PEX14: variants seen among roughly 807,000 people sequenced by gnomAD.
PEX14 encodes the protein peroxisomal biogenesis factor 14.
PEX14 carries 15 observed loss-of-function variants against 49.5 expected under a neutral mutation model. That is an observed-to-expected ratio of 0.30 (90% CI 0.20 to 0.47). The LOEUF (loss-of-function observed/expected upper bound fraction) is 0.47, where lower values mean the gene tolerates loss of function less well. PEX14 is among the 20% of genes least tolerant of loss of function. The pLI is 1.00. For missense variants in PEX14, 398 were observed against 494.8 expected, an observed-to-expected ratio of 0.80 and a Z score of 1.86; for synonymous variants, 210 against 212.7, an observed-to-expected ratio of 0.99 and a Z score of 0.11.
rs1170483330 is a variant in PEX14 at position 10,613,231 on chromosome 1, G to A, written c.299-5101G>A. On this transcript the variant is annotated intron_variant, in intron 4 of 8. Transcript: ENST00000356607. This position sits in a 1 kb window ranked among gnomAD's most constrained non-coding sequence, Gnocchi z 5.0. ...GATGATGTTTGTTCTCACCTGTTAG[G>A]TGAGAATTTGGTTGGTGGAGGTATA... Among the ~76,000 whole-genome samples the A allele has an allele frequency of 1.3e-5, 2 of 152,310 alleles. No individual in the cohort carries two copies.
intron 3 of PEX14, among the ~76,000 whole-genome samples, chr1:10,557,305 G>T (rs149467806): frequency 6.6e-6 from 1 of 152,192 alleles, no homozygotes; most frequent in Admixed American, 6.5e-5. Context: ...TCAGAGTTAG[G>T]CTGGGTGCAA....
chr1:10,536,082 T>C lies in PEX14; in HGVS notation c.85-131T>C, dbSNP rs879091362. ...TTAGGTAGATTTTAAGTTTAAGAAA[T>C]AACTGGTTATAAATTTGACCACAAT... is the stretch of plus-strand genomic sequence containing the variant. On this transcript the variant is annotated intron_variant, in intron 2 of 8. Coordinates refer to ENST00000356607, the MANE Select transcript of PEX14 (RefSeq NM_004565.3). 27 of 716,432 alleles carry C rather than the reference T, an allele frequency of 3.8e-5. 1 individual carries two copies. Among genetic ancestry groups the C allele is most frequent in the South Asian group, 3.4e-4 (23 of 66,770 alleles). The allele number at this position is 716,432 out of a possible 1,614,324, so 44.4% of individuals were successfully genotyped here. A position where few individuals can be genotyped will look rare whatever the true frequency, so the allele number is the denominator to read the frequency against.
chr1:10,592,646 T>C (rs1238619244), intron 3 of PEX14, among the ~76,000 whole-genome samples: 1 of 152,206 alleles, frequency 6.6e-6, no homozygotes, highest in Non-Finnish European at 1.5e-5. Flanking sequence ...GTGTCTGATA[T>C]AATTTAGGGC....
intron 3 of PEX14, among the ~76,000 whole-genome samples, chr1:10,544,982 C>G (rs772164558): frequency 6.6e-6 from 1 of 152,116 alleles, no homozygotes; most frequent in African/African-American, 2.4e-5. Context: ...AGGCTGGTCT[C>G]GATCTCCTGG....
At chr1:10,509,474 T>C (rs1641846943) in intron 2 of PEX14, among the ~76,000 whole-genome samples, 1 of 152,236 alleles carries the variant, frequency 6.6e-6, no homozygotes, top group Non-Finnish European at 1.5e-5. Context: ...AGGCATTTTA[T>C]TTCTTTATAA....
Position 10,495,403 on chromosome 1 carries a change from T to A in PEX14, c.84+82T>A. On this transcript the variant is annotated intron_variant, in intron 2 of 8. Coordinates refer to ENST00000356607, the MANE Select transcript of PEX14 (RefSeq NM_004565.3). The surrounding 1 kb of genome is among the most constrained non-coding windows in gnomAD (Gnocchi z 4.2). ...AAAAGAAACCTTCTGTTCCTATGGT[T>A]CTGCGTCAGTAGTGTCCCTTTAAAA... 1 of 1,126,636 alleles carries A rather than the reference T, an allele frequency of 8.9e-7. No individual in the cohort carries two copies. Among genetic ancestry groups the A allele is most frequent in the Non-Finnish European group, 1.3e-6 (1 of 753,576 alleles). The allele number at this position is 1,126,636 out of a possible 1,614,324, so 69.8% of individuals were successfully genotyped here.
rs139018869 is a variant in PEX14, at chr1:10,546,133, A to G, written c.169+9836A>G. Among the ~76,000 whole-genome samples the G allele has an allele frequency of 4.9e-3, 742 of 152,308 alleles. 8 individuals are homozygous for G. Among genetic ancestry groups the G allele is most frequent in the African/African-American group, 0.017 (706 of 41,560 alleles). On this transcript the variant is annotated intron_variant, in intron 3 of 8. Transcript: ENST00000356607. ...TGTCTGGCACCAAAATAAGGGCTTA[A>G]TTGATGACAACAATCATCAATAGTA...
At chr1:10,607,544 A>G (rs1641161337) in intron 4 of PEX14, among the ~76,000 whole-genome samples, 1 of 152,174 alleles carries the variant, frequency 6.6e-6, no homozygotes, top group East Asian at 1.9e-4. Context: ...TATCCCCAAC[A>G]GTTGGTCTTC....
At chr1:10,505,997 T>C (rs545842874) in intron 2 of PEX14, among the ~76,000 whole-genome samples, 17 of 152,220 alleles carry the variant, frequency 1.1e-4, no homozygotes, top group African/African-American at 3.9e-4. Flanking sequence ...GAGTCTTTTG[T>C]GAAATGAAGC....
chr1:10,492,325 G>T (rs936829993), intron 1 of PEX14, among the ~76,000 whole-genome samples: 1 of 152,178 alleles, frequency 6.6e-6, no homozygotes, highest in African/African-American at 2.4e-5. Flanking sequence ...TCAGAATGGG[G>T]CTTCCTAAAT....
chr1:10,564,632 C>T (rs1639750276), intron 3 of PEX14, among the ~76,000 whole-genome samples: 1 of 142,512 alleles, frequency 7.0e-6, no homozygotes, highest in African/African-American at 2.6e-5. Context: ...AGGGCCTTGC[C>T]ATGTTGCCAA....
At chr1:10,575,084 A>AT (rs1179289805) in intron 3 of PEX14, among the ~76,000 whole-genome samples, 1 of 152,046 alleles carries the variant, frequency 6.6e-6, no homozygotes, top group Non-Finnish European at 1.5e-5. Context: ...TAAAAAAAAA[A>AT]AAGGAAGAAA....
intron 3 of PEX14, among the ~76,000 whole-genome samples, chr1:10,585,000 TTGGGGGAA>T (rs1640437979): frequency 6.6e-6 from 1 of 151,996 alleles, no homozygotes; most frequent in Non-Finnish European, 1.5e-5. Context: ...GCGAGGATCT[TTGGGGGAA>T]CAGTAAAATT....
At position 10,507,455 on chromosome 1, in the gene PEX14, C is replaced by T. The variant is rs550344135; in HGVS notation, c.84+12134C>T. 2.6e-5 allele frequency among the ~76,000 whole-genome samples: 4 copies of T among 152,350 alleles called. No homozygotes were observed. The East Asian group carries it at 5.8e-4, about 22-fold the overall frequency. ...GTGTGCATCTTAGCTGTTGAAAAGGCGCCTATTAATTTATCACAGGTGATG... is the reference window on the plus strand; with the variant it reads ...GTGTGCATCTTAGCTGTTGAAAAGGTGCCTATTAATTTATCACAGGTGATG... On this transcript the variant is annotated intron_variant, in intron 2 of 8. Transcript: ENST00000356607.
intron 2 of PEX14, among the ~76,000 whole-genome samples, chr1:10,510,971 T>TC: frequency 6.6e-6 from 1 of 152,330 alleles, no homozygotes; most frequent in East Asian, 1.9e-4. Flanking sequence ...TTGACAGTCT[T>TC]TATTTGCAAT....
intron 4 of PEX14, among the ~76,000 whole-genome samples, chr1:10,603,455 TAGG>T (rs1226999415): frequency 1.3e-5 from 2 of 151,860 alleles, no homozygotes; most frequent in Non-Finnish European, 1.5e-5. Flanking sequence ...GTGAAAGTGA[TAGG>T]AGGTTGGCAC....
At chr1:10,591,855 C>T (rs284275) in intron 3 of PEX14, among the ~76,000 whole-genome samples, 83 of 152,188 alleles carry the variant, frequency 5.5e-4, no homozygotes, top group Non-Finnish European at 1.1e-3. Context: ...TGCCCCTGCC[C>T]AGCACAGAGA....
intron 2 of PEX14, among the ~76,000 whole-genome samples, chr1:10,502,179 C>T (rs1265885800): frequency 2.0e-5 from 3 of 152,172 alleles, no homozygotes; most frequent in African/African-American, 4.8e-5. Flanking sequence ...TCACTCCTCT[C>T]TCATCAACAA....
chr1:10,618,425 A>G lies in PEX14; in HGVS notation c.384+8A>G. On this transcript the variant is annotated splice_region_variant and intron_variant, in intron 5 of 8. Transcript: ENST00000356607. ...TTTCACCAGCTCTACAAGGTGAGTC[A>G]CCCCCAGCGGCTGCAGGTGCTGTGC... 1.2e-6 allele frequency: 2 copies of G among 1,606,992 alleles called. No individual in the cohort carries two copies. The highest frequency in any genetic ancestry group is 1.7e-6 in the Non-Finnish European group (2 of 1,174,528).
Sources: gnomAD v4.1 joint callset for allele counts (sites outside exome capture counted in the v4.1 genomes callset) on GRCh38, gnomAD v4.1.1 for gene constraint, Gnocchi (gnomAD v3.1) non-coding constraint, MANE v1.5 for transcripts, NCBI Gene and HGNC (gene_info 2026-07-23, HGNC 2026-07-21) for gene names.